Variants in GSN observed in about 807,000 individuals in gnomAD.
The protein encoded by GSN is actin-depolymerizing factor.
A neutral mutation model predicts 85.7 loss-of-function variants in GSN; 56 were observed. The ratio of observed to expected loss-of-function variants is 0.65; its 90% CI spans 0.53 to 0.82. GSN has a LOEUF of 0.82. GSN is among the 40% of genes least tolerant of loss of function. The probability of loss-of-function intolerance (pLI) is 0.00; values close to 1 mark genes in which losing one functional copy is unlikely to be tolerated. For synonymous variants in GSN, 373 were observed against 399.1 expected, an observed-to-expected ratio of 0.93 and a Z score of 0.78; for missense variants, 857 against 979.8, an observed-to-expected ratio of 0.87 and a Z score of 1.67.
chr9:121,284,754 A>G (rs1264251118), intron 2 of GSN: 1 of 167,176 alleles, frequency 6.0e-6, no homozygotes, highest in East Asian at 1.9e-4. Context: ...AGCCATGGAC[A>G]GGTCCTCAGC....
Position 121,332,455 on chromosome 9 carries a change from A to G in GSN, c.2048A>G (p.Asp683Gly). Residue 683 changes from aspartate (D) to glycine (G), a missense_variant, in exon 18 of 18, where the codon GAC becomes GGC. By Grantham distance (94) the Asp-to-Gly change is moderately conservative. Transcript: ENST00000432226. This position sits in a 1 kb window ranked among gnomAD's most constrained non-coding sequence, Gnocchi z 4.8. ...GCAGCTAAGCGGTACATCGAGACGG[A>G]CCCAGCCAATCGGGATCGGCGGACG... Reference protein sequence around the residue: ...LTSAKRYIETDPANRDRRTPI... With the variant: ...LTSAKRYIETGPANRDRRTPI... 1 of 1,614,100 alleles carries G rather than the reference A, an allele frequency of 6.2e-7. No homozygotes were observed. The highest frequency in any genetic ancestry group is 8.5e-7 in the Non-Finnish European group (1 of 1,180,002).
Position 121,305,829 on chromosome 9 carries a change from C to A in GSN, c.351+2764C>A, listed in dbSNP as rs539797679. 4.6e-3 allele frequency among the ~76,000 whole-genome samples: 706 copies of A among 152,328 alleles called. 3 individuals are homozygous for A. The highest frequency in any genetic ancestry group is 7.8e-3 in the Non-Finnish European group (529 of 68,030). ...CAGTCTGCCCCCGCACTTGGCAGGT[C>A]CAGCCCAAGGTTCTCGCCCCGGCGC... On this transcript the variant is annotated intron_variant, in intron 4 of 17. Transcript: ENST00000432226.
intron 7 of GSN, 94 bp from the exon 8 acceptor site, chr9:121,316,992 A>C: frequency 6.5e-7 from 1 of 1,543,864 alleles, no homozygotes; most frequent in Non-Finnish European, 8.9e-7. Flanking sequence ...CTACAGGGCC[A>C]TTTGGGACAG....
At chr9:121,237,969 G>A (rs559169367) in intron 5 of GSN, 1 of 152,346 alleles carries the variant, frequency 6.6e-6, no homozygotes, top group African/African-American at 2.4e-5. Flanking sequence ...TTCAACACTG[G>A]AACAATATGT....
intron 2 of GSN, among the ~76,000 whole-genome samples, chr9:121,296,352 A>G (rs969810569): frequency 6.6e-6 from 1 of 152,180 alleles, no homozygotes; most frequent in African/African-American, 2.4e-5. Flanking sequence ...GCATGCTGCT[A>G]TCAGTGACTG....
chr9:121,306,947 G>A (rs1428351047), intron 4 of GSN, among the ~76,000 whole-genome samples: 4 of 152,182 alleles, frequency 2.6e-5, no homozygotes, highest in Non-Finnish European at 5.9e-5. Flanking sequence ...TTGGGAGGCC[G>A]AGATGGGTGG....
At chr9:121,236,492 C>T (rs2054496005) in intron 5 of GSN, among the ~76,000 whole-genome samples, 1 of 152,174 alleles carries the variant, frequency 6.6e-6, no homozygotes, top group Non-Finnish European at 1.5e-5. Flanking sequence ...GGATTACAGG[C>T]ATGAGCCACC....
At chr9:121,213,298 C>G (rs765527967) in intron 4 of GSN, among the ~76,000 whole-genome samples, 24 of 152,184 alleles carry the variant, frequency 1.6e-4, no homozygotes, top group Non-Finnish European at 3.2e-4. Flanking sequence ...CTTCCAAAAA[C>G]TATGGGGAAA....
In GSN at chr9:121,317,217, A is replaced by T. The variant is rs779756580; in HGVS notation, c.885A>T (p.Lys295Asn). ...AAGATGGGAAAATCTTTGTCTGGAA[A>T]GGTACTGGAGACAGGGAAAGGGTCC... is the stretch of plus-strand genomic sequence containing the variant. Reference protein sequence around the residue: ...HGKDGKIFVWKGKQANTEERK... With the variant: ...HGKDGKIFVWNGKQANTEERK... The change falls in exon 8 of 18, where the codon AAA becomes AAT. Residue 295 changes from lysine to asparagine, a missense_variant and splice_region_variant. Lys to Asn is a moderately conservative substitution (Grantham distance 94). Coordinates refer to ENST00000432226, the MANE Select transcript of GSN (RefSeq NM_198252.3). 6.2e-7 allele frequency: 1 copy of T among 1,614,138 alleles called. No homozygotes were observed. The highest frequency in any genetic ancestry group is 1.1e-5 in the South Asian group (1 of 91,084).
intron 1 of GSN, chr9:121,279,719 G>C (rs2057115850): frequency 6.6e-6 from 1 of 152,310 alleles, no homozygotes. Context: ...ACCACCATGT[G>C]CATCTGAGGA....
At chr9:121,324,412 G>C (rs570429220) in intron 11 of GSN, 142 bp from the exon 12 acceptor site, 1 of 670,878 alleles carries the variant, frequency 1.5e-6, no homozygotes, top group South Asian at 1.6e-5. Flanking sequence ...CCTGGCTCTC[G>C]TTGTTCTGAA....
intron 4 of GSN, 85 bp from the exon 5 acceptor site, chr9:121,310,599 C>G: frequency 7.3e-7 from 1 of 1,361,306 alleles, no homozygotes; most frequent in South Asian, 1.2e-5. Flanking sequence ...CCAGAATTTC[C>G]TTTACCTCAA....
At chr9:121,288,802 G>A (rs1313076828) in intron 2 of GSN, among the ~76,000 whole-genome samples, 1 of 151,822 alleles carries the variant, frequency 6.6e-6, no homozygotes, top group Non-Finnish European at 1.5e-5. Flanking sequence ...CATGGACACG[G>A]CATTCAAGAG....
intron 2 of GSN, chr9:121,286,533 G>A (rs1209881309): frequency 1.6e-5 from 22 of 1,356,870 alleles, no homozygotes; most frequent in Admixed American, 2.8e-5. Flanking sequence ...TATCCTCCAA[G>A]GCTCTGCCCC....
intron 1 of GSN, among the ~76,000 whole-genome samples, chr9:121,274,198 G>C (rs2056370735): frequency 6.6e-6 from 1 of 152,186 alleles, no homozygotes. Flanking sequence ...GCACTAGGCT[G>C]TACCCTGTTA....
intron 4 of GSN, among the ~76,000 whole-genome samples, chr9:121,224,566 T>G (rs2054237062): frequency 6.6e-6 from 1 of 152,040 alleles, no homozygotes; most frequent in Non-Finnish European, 1.5e-5. Flanking sequence ...GGGGCAGAAC[T>G]AGGATTCTCT....
chr9:121,303,140 C>T, intron 4 of GSN, 75 bp downstream of exon 4: 1 of 1,468,040 alleles, frequency 6.8e-7, no homozygotes, highest in African/African-American at 1.4e-5. Context: ...GCCCATCTAT[C>T]TTTTGGCCTT....
intron 7 of GSN, among the ~76,000 whole-genome samples, chr9:121,315,726 A>C (rs1289016308): frequency 6.6e-6 from 1 of 152,134 alleles, no homozygotes; most frequent in Admixed American, 6.5e-5. Context: ...GTGCCATTGC[A>C]CTCCAGCCTG....
intron 4 of GSN, among the ~76,000 whole-genome samples, chr9:121,214,856 T>C (rs1265793400): frequency 6.6e-6 from 1 of 152,202 alleles, no homozygotes; most frequent in South Asian, 2.1e-4. Context: ...AGTACCTTAC[T>C]GGGCTGCAGC....
Sources: gnomAD v4.1 joint callset for allele counts (sites outside exome capture counted in the v4.1 genomes callset) on GRCh38, gnomAD v4.1.1 for gene constraint, Gnocchi (gnomAD v3.1) non-coding constraint, MANE v1.5 for transcripts, NCBI Gene and HGNC (gene_info 2026-07-23, HGNC 2026-07-21) for gene names.